Variants in CSMD1 observed in about 807,000 individuals in gnomAD.
CSMD1 encodes CUB and sushi domain-containing protein 1.
Under a neutral mutation model 417.5 loss-of-function variants are expected in CSMD1, and 213 were observed. The ratio of observed to expected loss-of-function variants is 0.51; its 90% CI spans 0.46 to 0.57. CSMD1 has a LOEUF of 0.57. Ranked by LOEUF, CSMD1 falls within the 20% of genes least tolerant of loss-of-function variation. The probability of loss-of-function intolerance (pLI) is 0.00; values close to 1 mark genes in which losing one functional copy is unlikely to be tolerated. For synonymous variants in CSMD1, 2,862 were observed against 1,736.8 expected (o/e 1.65, Z -16.11); for missense variants, 6,923 against 4,529.7 (o/e 1.53, Z -15.17).
At chr8:3,432,089 C>T (rs868638292) in intron 12 of CSMD1, among the ~76,000 whole-genome samples, 6 of 152,038 alleles carry the variant, frequency 3.9e-5, no homozygotes, top group African/African-American at 1.4e-4. Flanking sequence ...AGGAAAAGTC[C>T]CAGAACCCAG....
chr8:3,282,866 G>A (rs760751655), intron 26 of CSMD1, among the ~76,000 whole-genome samples: 4 of 152,144 alleles, frequency 2.6e-5, no homozygotes, highest in Non-Finnish European at 5.9e-5. Context: ...TTGTCAGTGA[G>A]CTGCCAAGAG....
chr8:4,605,719 C>G (rs909322380), intron 2 of CSMD1, among the ~76,000 whole-genome samples: 2 of 152,096 alleles, frequency 1.3e-5, no homozygotes, highest in African/African-American at 4.8e-5. Flanking sequence ...GAATGGTTGT[C>G]TCATATCCAC....
At chr8:3,549,964 G>T (rs978244088) in intron 10 of CSMD1, among the ~76,000 whole-genome samples, 1 of 152,108 alleles carries the variant, frequency 6.6e-6, no homozygotes, top group Non-Finnish European at 1.5e-5. Flanking sequence ...AGGTATCTTG[G>T]ATCTAGACAT....
intron 7 of CSMD1, among the ~76,000 whole-genome samples, chr8:3,630,402 G>T (rs574972352): frequency 3.3e-4 from 51 of 152,282 alleles, no homozygotes; most frequent in African/African-American, 1.2e-3. Context: ...AGTATTCAAA[G>T]ATCCGAAAAA....
chr8:3,991,023 C>A (rs1229862706), intron 5 of CSMD1, among the ~76,000 whole-genome samples: 1 of 152,302 alleles, frequency 6.6e-6, no homozygotes, highest in South Asian at 2.1e-4. Context: ...TAAAACACAG[C>A]CTGCCTGCTT....
rs1251606022 is a variant in CSMD1 at position 3,905,820 on chromosome 8, C to T, written c.818+92083G>A. On this transcript the variant is annotated intron_variant, in intron 5 of 69. Transcript: ENST00000635120. ...TCTACTGTAGTTAACAAAGTCCAAACATCTGGGCCTGGCATTCTAGTTCCT... is the reference window on the plus strand; with the variant it reads ...TCTACTGTAGTTAACAAAGTCCAAATATCTGGGCCTGGCATTCTAGTTCCT... Among the ~76,000 whole-genome samples the T allele has an allele frequency of 2.1e-4, 32 of 152,194 alleles. 1 individual carries two copies. The highest frequency in any genetic ancestry group is 8.8e-5 in the Non-Finnish European group (6 of 68,036).
chr8:4,969,812 G>T (rs902744789), intron 1 of CSMD1, among the ~76,000 whole-genome samples: 1 of 151,944 alleles, frequency 6.6e-6, no homozygotes, highest in African/African-American at 2.4e-5. Context: ...TAATTTAATT[G>T]TTTTTCTCAG....
chr8:3,951,364 T>C (rs943276861), intron 5 of CSMD1, among the ~76,000 whole-genome samples: 3 of 152,180 alleles, frequency 2.0e-5, no homozygotes, highest in Non-Finnish European at 4.4e-5. Context: ...AATTCAAGAA[T>C]TCAATAAGTT....
intron 4 of CSMD1, among the ~76,000 whole-genome samples, chr8:4,014,995 C>G (rs1422839339): frequency 6.6e-6 from 1 of 152,160 alleles, no homozygotes; most frequent in Non-Finnish European, 1.5e-5. Context: ...AGCAAATATG[C>G]AAACCACGTA....
chr8:4,135,365 A>C (rs1803361235), intron 3 of CSMD1, among the ~76,000 whole-genome samples: 1 of 44,160 alleles, frequency 2.3e-5, no homozygotes, highest in Admixed American at 3.1e-4. Context: ...GGAGGGAAGG[A>C]AGGGGAAAGT....
Position 4,025,351 on chromosome 8 carries a change from T to C in CSMD1, c.610+6554A>G, listed in dbSNP as rs182873714. On this transcript the variant is annotated intron_variant, in intron 4 of 69. Transcript: ENST00000635120. ...CAGGAAGAATACCTTGTTTTGCATT[T>C]GATCCTCTATTTCCCTGTAGGACCC... Among the ~76,000 whole-genome samples the C allele has an allele frequency of 5.6e-3, 852 of 152,360 alleles. 6 individuals carry two copies. Among genetic ancestry groups the C allele is most frequent in the Non-Finnish European group, 8.1e-3 (550 of 68,028 alleles).
intron 37 of CSMD1, among the ~76,000 whole-genome samples, chr8:3,172,733 T>C (rs1004370008): frequency 2.0e-5 from 3 of 152,156 alleles, no homozygotes; most frequent in Admixed American, 6.5e-5. Flanking sequence ...GTGAAGGTCA[T>C]TCCTAAAGAA....
chr8:4,875,658 C>T (rs542978366), intron 1 of CSMD1, among the ~76,000 whole-genome samples: 2 of 152,096 alleles, frequency 1.3e-5, no homozygotes, highest in African/African-American at 4.8e-5. Context: ...GAAATTACAA[C>T]AAATCTGAGA....
At chr8:3,421,230 G>C (rs1198059860) in intron 12 of CSMD1, among the ~76,000 whole-genome samples, 1 of 152,198 alleles carries the variant, frequency 6.6e-6, no homozygotes, top group Non-Finnish European at 1.5e-5. Flanking sequence ...AGTCATTAAA[G>C]TATAAAAGGT....
At chr8:3,841,548 A>G (rs1374057244) in intron 5 of CSMD1, among the ~76,000 whole-genome samples, 1 of 152,166 alleles carries the variant, frequency 6.6e-6, no homozygotes, top group Non-Finnish European at 1.5e-5. Flanking sequence ...CACAAAGCAC[A>G]TATATCAATT....
chr8:3,648,185 ATATGTG>A (rs1797671138), intron 7 of CSMD1, among the ~76,000 whole-genome samples: 1 of 152,216 alleles, frequency 6.6e-6, no homozygotes, highest in South Asian at 2.1e-4. Flanking sequence ...AAAAATGTAC[ATATGTG>A]TATATTACTC....
chr8:4,724,874 TA>T (rs1809321608), intron 1 of CSMD1, among the ~76,000 whole-genome samples: 1 of 152,112 alleles, frequency 6.6e-6, no homozygotes, highest in Non-Finnish European at 1.5e-5. Flanking sequence ...ACTTCACTAT[TA>T]AAACCTCAAC....
chr8:4,878,752 C>A (rs922950073), intron 1 of CSMD1, among the ~76,000 whole-genome samples: 2 of 151,802 alleles, frequency 1.3e-5, no homozygotes, highest in Admixed American at 1.3e-4. Flanking sequence ...AAAACATTCA[C>A]AGTAAATTTG....
intron 7 of CSMD1, among the ~76,000 whole-genome samples, chr8:3,706,952 G>A (rs1801201904): frequency 6.6e-6 from 1 of 152,016 alleles, no homozygotes; most frequent in Admixed American, 6.5e-5. Flanking sequence ...GACTGGCTGT[G>A]ATTATTCAAT....
Sources: gnomAD v4.1 joint callset for allele counts (sites outside exome capture counted in the v4.1 genomes callset) on GRCh38, gnomAD v4.1.1 for gene constraint, MANE v1.5 for transcripts, NCBI Gene and HGNC (gene_info 2026-07-23, HGNC 2026-07-21) for gene names.